COL6A5: variants seen among roughly 807,000 people sequenced by gnomAD.
COL6A5 encodes the protein collagen type VI alpha 5 chain, also known as collagen alpha-5(VI) chain.
COL6A5 carries 48 observed loss-of-function variants against 65.6 expected under a neutral mutation model. The observed-to-expected ratio is 0.73, with a 90% CI of 0.58 to 0.93. The LOEUF is 0.93. Ranked by LOEUF, COL6A5 falls within the 40% of genes least tolerant of loss-of-function variation. The pLI is 0.00. For missense variants in COL6A5, 914 were observed against 928.3 expected (o/e 0.98, Z 0.20); for synonymous variants, 291 against 322.8 (o/e 0.90, Z 1.05).
chr3:130,447,030 C>T (rs755619637), intron 4 of COL6A5, among the ~76,000 whole-genome samples: 1 of 152,218 alleles, frequency 6.6e-6, no homozygotes, highest in Non-Finnish European at 1.5e-5. Context: ...CCCGTTCCAC[C>T]ACAGCCTGTC....
At chr3:130,376,248 G>A (rs1248356056) in exon 3 of COL6A5, 1 of 1,602,982 alleles carries the variant, frequency 6.2e-7, no homozygotes, top group South Asian at 1.1e-5. Context: ...GCCAGGCCCT[G>A]TGTATGCAGA....
rs1280586399 is a variant in COL6A5, at chr3:130,467,161, A to G, written c.1545-1634A>G. The stretch of plus-strand genomic sequence containing the variant: ...TGTACATATTTTTGGGGTACATGTG[A>G]TATTTTGATAGAAGCAGTCAATGTG... On this transcript the variant is annotated intron_variant, in intron 5 of 7. Coordinates refer to ENST00000512836, the Ensembl canonical transcript of COL6A5. Among the ~76,000 whole-genome samples, 5 of 152,078 alleles carry G rather than the reference A, an allele frequency of 3.3e-5. No homozygotes were observed. The East Asian group carries it at 9.7e-4, about 29-fold the overall frequency.
chr3:130,397,435 A>G, intron 8 of COL6A5, 148 bp from the exon 9 acceptor site: 2 of 595,654 alleles, frequency 3.4e-6, no homozygotes, highest in South Asian at 4.3e-5. Context: ...TATATATGAT[A>G]AAGCAGCCAG....
intron 13 of COL6A5, 97 bp from the exon 14 acceptor site, chr3:130,405,491 G>A: frequency 1.4e-6 from 1 of 728,464 alleles, no homozygotes; most frequent in South Asian, 1.9e-5. Flanking sequence ...AAAGCTCATA[G>A]TGCCCATGTG....
intron 2 of COL6A5, among the ~76,000 whole-genome samples, chr3:130,375,030 A>G (rs1383075018): frequency 6.6e-6 from 1 of 152,222 alleles, no homozygotes; most frequent in Non-Finnish European, 1.5e-5. Flanking sequence ...ACCTTGAAAG[A>G]GCCAGTTGTT....
chr3:130,379,567 C>A, exon 4 of COL6A5: 1 of 1,551,358 alleles, frequency 6.4e-7, no homozygotes, highest in Non-Finnish European at 8.7e-7. Context: ...AAATTGCATG[C>A]GACTTGGACT....
At chr3:130,346,833 A>G (rs1421465224) in intron 1 of COL6A5, among the ~76,000 whole-genome samples, 1 of 152,214 alleles carries the variant, frequency 6.6e-6, no homozygotes. Context: ...GAAGATATAT[A>G]TTTACTTTGT....
intron 4 of COL6A5, among the ~76,000 whole-genome samples, chr3:130,382,548 G>A (rs1426033879): frequency 6.6e-6 from 1 of 152,132 alleles, no homozygotes; most frequent in Non-Finnish European, 1.5e-5. Flanking sequence ...TACTGAATTG[G>A]TCTCTGAGGG....
chr3:130,431,655 C>T lies in COL6A5; in HGVS notation c.195C>T (p.Leu65=), dbSNP rs1369296329. ...CCTATAACTCAGGCACCAGCTATCT[C>T]ATCCGCTGGTCTGACTACAATAGGA... The change falls in exon 1 of 8, where the codon CTC becomes CTT. Residue 65 remains leucine (L), a synonymous_variant. Coordinates refer to ENST00000512836, the Ensembl canonical transcript of COL6A5. The T allele has an allele frequency of 9.7e-6, 15 of 1,551,518 alleles. No individual in the cohort carries two copies. The South Asian group carries it at 1.8e-4, about 18-fold the overall frequency.
At chr3:130,404,587 C>G (rs1382515954) in intron 13 of COL6A5, among the ~76,000 whole-genome samples, 2 of 152,198 alleles carry the variant, frequency 1.3e-5, no homozygotes, top group Non-Finnish European at 2.9e-5. Context: ...TCCAAACTAG[C>G]ATGGGAGTGC....
At chr3:130,455,584 A>G (rs1489459156) in exon 5 of COL6A5, 1 of 1,613,336 alleles carries the variant, frequency 6.2e-7, no homozygotes, top group East Asian at 2.2e-5. Flanking sequence ...TTTACCTTCC[A>G]AGCCAAATGT....
At chr3:130,433,280 A>C (rs1937896835) in intron 1 of COL6A5, among the ~76,000 whole-genome samples, 1 of 152,176 alleles carries the variant, frequency 6.6e-6, no homozygotes, top group Admixed American at 6.5e-5. Flanking sequence ...GAGTTGCATA[A>C]AATTCCAGAA....
At chr3:130,415,445 C>T (rs947487514) in intron 22 of COL6A5, among the ~76,000 whole-genome samples, 200 bp from the exon 23 acceptor site, 4 of 151,958 alleles carry the variant, frequency 2.6e-5, no homozygotes, top group Admixed American at 6.6e-5. Flanking sequence ...ATATCCAGGC[C>T]GGGAATTCCT....
intron 1 of COL6A5, among the ~76,000 whole-genome samples, chr3:130,349,744 TA>T (rs1934632703): frequency 6.6e-6 from 1 of 152,214 alleles, no homozygotes; most frequent in South Asian, 2.1e-4. Flanking sequence ...CTCTCTAGAT[TA>T]TATGAATTAT....
In COL6A5 at chr3:130,444,292, T is replaced by A. The variant is rs568550629; in HGVS notation, c.1332+726T>A. Among the ~76,000 whole-genome samples the A allele has an allele frequency of 1.3e-4, 20 of 152,014 alleles. No individual in the cohort carries two copies. The South Asian group carries it at 4.2e-3, about 32-fold the overall frequency. ...TCACAGGGTCCTGAGGTGACATACA[T>A]CCTCCTCAGCTTACGAGATGACAGG... On this transcript the variant is annotated intron_variant, in intron 4 of 7. Coordinates refer to ENST00000512836, the Ensembl canonical transcript of COL6A5.
At chr3:130,446,823 T>A (rs1341575395) in intron 4 of COL6A5, among the ~76,000 whole-genome samples, 2 of 152,112 alleles carry the variant, frequency 1.3e-5, no homozygotes, top group Non-Finnish European at 2.9e-5. Flanking sequence ...AGTTTTTCCA[T>A]AACACTGGCT....
intron 7 of COL6A5, among the ~76,000 whole-genome samples, chr3:130,472,603 C>A (rs1476611231): frequency 6.6e-6 from 1 of 151,610 alleles, no homozygotes; most frequent in Non-Finnish European, 1.5e-5. Context: ...TATGTATATC[C>A]AGTGACCCAG....
At position 130,468,798 on chromosome 3, in the gene COL6A5, A is replaced by G. The variant is rs780113351; in HGVS notation, c.1550A>G (p.His517Arg). 5.0e-6 allele frequency: 8 copies of G among 1,604,644 alleles called. No homozygotes were observed. The African/African-American group carries it at 5.4e-5, about 11-fold the overall frequency. Reference sequence around the variant, plus strand: ...GACTTGAGTTATTCTGTTGCAGGACATGAAAATTATGGCAGAAAAGAAGAA... The same window carrying G: ...GACTTGAGTTATTCTGTTGCAGGACGTGAAAATTATGGCAGAAAAGAAGAA... The change falls in exon 6 of 8, where the codon CAT becomes CGT. Residue 517 changes from histidine to arginine, a missense_variant. By Grantham distance (29) the His-to-Arg change is conservative. Transcript: ENST00000512836.
At chr3:130,471,688 T>G (rs1300338529) in intron 7 of COL6A5, 1 of 1,534,476 alleles carries the variant, frequency 6.5e-7, no homozygotes, top group African/African-American at 1.4e-5. Flanking sequence ...TCAGACTTCT[T>G]CCTGGGATAT....
Sources: gnomAD v4.1 joint callset for allele counts (sites outside exome capture counted in the v4.1 genomes callset) on GRCh38, gnomAD v4.1.1 for gene constraint, MANE v1.5 for transcripts, NCBI Gene and HGNC (gene_info 2026-07-23, HGNC 2026-07-21) for gene names.